The following ZNF14 variants were observed in gnomAD, a reference collection of about 807,000 sequenced individuals.
The protein encoded by ZNF14 is zinc finger protein 14.
A neutral mutation model predicts 11.3 loss-of-function variants in ZNF14; 9 were observed. The observed-to-expected ratio is 0.80, with a 90% CI of 0.48 to 1.39. The LOEUF is 1.39. Ranked by LOEUF, ZNF14 falls within the 40% of genes most tolerant of loss-of-function variation. The pLI, the probability that ZNF14 is intolerant of heterozygous loss-of-function variation, is 0.00. For synonymous variants in ZNF14, 239 were observed against 245.7 expected, an observed-to-expected ratio of 0.97 and a Z score of 0.25; for missense variants, 711 against 763.9, an observed-to-expected ratio of 0.93 and a Z score of 0.82.
rs1018990559 is a variant in ZNF14 at position 19,733,062 on chromosome 19, A to G, written c.-104T>C. 6.9e-7 allele frequency: 1 copy of G among 1,458,200 alleles called. No individual in the cohort carries two copies. Among genetic ancestry groups the G allele is most frequent in the African/African-American group, 1.4e-5 (1 of 71,176 alleles). The allele number at this position is 1,458,200 out of a possible 1,614,324, so 90.3% of individuals were successfully genotyped here. A position where few individuals can be genotyped will look rare whatever the true frequency, so the allele number is the denominator to read the frequency against. ...GCTAGAGCCACCTTCGGCCTTCAGG[A>G]GCAGGTGAAACGCAATCTTCCCATG... is the stretch of plus-strand genomic sequence containing the variant. On this transcript the variant is annotated 5_prime_UTR_variant, in exon 1 of 4. Transcript: ENST00000344099.
intron 1 of ZNF14, among the ~76,000 whole-genome samples, chr19:19,732,152 A>T (rs1196383819): frequency 6.6e-6 from 1 of 152,212 alleles, no homozygotes; most frequent in South Asian, 2.1e-4. Flanking sequence ...CATAGGCGAA[A>T]TCTCTTGGGT....
chr19:19,711,936 A>G lies in ZNF14; in HGVS notation c.1345T>C (p.Cys449Arg), dbSNP rs200818647. The G allele has an allele frequency of 6.2e-7, 1 of 1,614,084 alleles. No individual in the cohort carries two copies. ...RTHNAEKPYECKQCGKAFRCS... is the reference protein window; with the variant it reads ...RTHNAEKPYERKQCGKAFRCS... ...CTGAAGGCTTTCCCACACTGTTTAC[A>G]TTCATAGGGTTTCTCTGCATTGTGA... The change falls in exon 4 of 4, where the codon TGT becomes CGT. Residue 449 changes from cysteine to arginine, a missense_variant. Cys to Arg is a radical substitution (Grantham distance 180). Transcript: ENST00000344099.
At chr19:19,721,020 C>T (rs553796585) in intron 1 of ZNF14, among the ~76,000 whole-genome samples, 5 of 152,304 alleles carry the variant, frequency 3.3e-5, no homozygotes, top group East Asian at 1.9e-4. Flanking sequence ...CGCAGTGGCG[C>T]GATCTTGGCT....
At chr19:19,713,945 T>C (rs2062370087) in intron 3 of ZNF14, 146 bp downstream of exon 3, 1 of 722,360 alleles carries the variant, frequency 1.4e-6, no homozygotes, top group Admixed American at 2.8e-5. Flanking sequence ...ATTTTTCACA[T>C]CCTGAACATC....
chr19:19,726,105 G>T (rs191241627), intron 1 of ZNF14, among the ~76,000 whole-genome samples: 2 of 134,604 alleles, frequency 1.5e-5, no homozygotes, highest in South Asian at 4.8e-4. Flanking sequence ...AATTCTCTCC[G>T]TCCAGCTTTG....
chr19:19,716,919 T>C (rs1284067521), intron 1 of ZNF14, among the ~76,000 whole-genome samples: 1 of 152,216 alleles, frequency 6.6e-6, no homozygotes, highest in African/African-American at 2.4e-5. Context: ...CCAAAGCCTA[T>C]GTGACCTGGG....
chr19:19,714,888 T>G (rs184090371), intron 1 of ZNF14, among the ~76,000 whole-genome samples: 85 of 152,136 alleles, frequency 5.6e-4, no homozygotes, highest in African/African-American at 2.0e-3. Flanking sequence ...TTTTGTATTT[T>G]TAGTAGAGAC....
chr19:19,732,630 G>T (rs1387093938), intron 1 of ZNF14, among the ~76,000 whole-genome samples: 3 of 152,234 alleles, frequency 2.0e-5, no homozygotes, highest in Admixed American at 6.5e-5. Flanking sequence ...TTTCTTAAAC[G>T]CACAAACCCC....
chr19:19,718,760 G>T (rs1377030629), intron 1 of ZNF14, among the ~76,000 whole-genome samples: 1 of 152,040 alleles, frequency 6.6e-6, no homozygotes, highest in East Asian at 1.9e-4. Context: ...AAACATAAAA[G>T]AATTAAGTCA....
Position 19,714,411 on chromosome 19 carries a change from T to C in ZNF14, c.80A>G (p.Lys27Arg), listed in dbSNP as rs139981590. 13 of 1,613,946 alleles carry C rather than the reference T, an allele frequency of 8.1e-6. No individual in the cohort carries two copies. The highest frequency in any genetic ancestry group is 1.6e-4 in the Middle Eastern group (1 of 6,082). The change falls in exon 2 of 4, where the codon AAG becomes AGG. Residue 27 changes from lysine to arginine, a missense_variant. Coordinates refer to ENST00000344099, the MANE Select transcript of ZNF14 (RefSeq NM_021030.3). ...EWALLDSSQKKLYEDVMQETF... is the reference protein window; with the variant it reads ...EWALLDSSQKRLYEDVMQETF... The stretch of plus-strand genomic sequence containing the variant: ...CTCCTGCATCACATCTTCATAGAGC[T>C]TTTTCTGTGAAGAATCCAGCAAAGC...
At chr19:19,732,071 A>AC (rs2062425597) in intron 1 of ZNF14, among the ~76,000 whole-genome samples, 1 of 151,922 alleles carries the variant, frequency 6.6e-6, no homozygotes, top group East Asian at 1.9e-4. Flanking sequence ...GTCACACACA[A>AC]AAAAAAATGC....
In ZNF14 at chr19:19,718,656, A is replaced by T. The variant is rs188174755; in HGVS notation, c.4-4169T>A. ...AAGCAACATAAATACCCCCAAATCC[A>T]CACCTGGGTGTATCATATTCAAGGA... On this transcript the variant is annotated intron_variant, in intron 1 of 3. Coordinates refer to ENST00000344099, the MANE Select transcript of ZNF14 (RefSeq NM_021030.3). Among the ~76,000 whole-genome samples the T allele has an allele frequency of 2.8e-3, 423 of 152,314 alleles. 1 individual carries two copies. The highest frequency in any genetic ancestry group is 9.6e-3 in the African/African-American group (400 of 41,566).
At chr19:19,732,122 G>C (rs934300457) in intron 1 of ZNF14, among the ~76,000 whole-genome samples, 1 of 152,176 alleles carries the variant, frequency 6.6e-6, no homozygotes, top group African/African-American at 2.4e-5. Flanking sequence ...CAGAGATTTT[G>C]CATCATCATG....
In ZNF14 at chr19:19,711,869, C is replaced by A; in HGVS notation, c.1412G>T (p.Gly471Val). The A allele has an allele frequency of 6.2e-7, 1 of 1,614,046 alleles. No individual in the cohort carries two copies. Among genetic ancestry groups the A allele is most frequent in the Non-Finnish European group, 8.5e-7 (1 of 1,179,954 alleles). ...CTGTTTACATTCATAGGGTTTCTCT[C>A]CAGTGTGTGACCTTTCATGAATTCG... Reference protein sequence around the residue: ...YFRIHERSHTGEKPYECKQCG... With the variant: ...YFRIHERSHTVEKPYECKQCG... The change falls in exon 4 of 4, where the codon GGA (glycine) becomes GTA (valine). Residue 471 changes from glycine to valine, a missense_variant. Gly to Val is a moderately radical substitution (Grantham distance 109). Transcript: ENST00000344099.
chr19:19,711,679 C>T lies in ZNF14; in HGVS notation c.1602G>A (p.Lys534=), dbSNP rs758028171. 16 of 1,613,460 alleles carry T rather than the reference C, an allele frequency of 9.9e-6. No individual in the cohort carries two copies. The South Asian group carries it at 1.4e-4, about 14-fold the overall frequency. Reference sequence around the variant, plus strand: ...AACGAAGGAAGGCCTTACCACATTGCTTACACTCAAAAGGCTTATTTCCAG... The same window carrying T: ...AACGAAGGAAGGCCTTACCACATTGTTTACACTCAAAAGGCTTATTTCCAG... ...IHTGNKPFEC[K]QCGKAFLRSS... Residue 534 remains lysine, a synonymous_variant, in exon 4 of 4, where the codon AAG becomes AAA. Transcript: ENST00000344099.
chr19:19,717,265 C>T (rs1224611546), intron 1 of ZNF14, among the ~76,000 whole-genome samples: 1 of 152,110 alleles, frequency 6.6e-6, no homozygotes, highest in Non-Finnish European at 1.5e-5. Context: ...ATATACTTAG[C>T]ATCACCGGTT....
At chr19:19,713,695 T>C (rs7259055) in intron 3 of ZNF14, among the ~76,000 whole-genome samples, 76,140 of 149,618 alleles carry the variant, frequency 0.51, 19,970 homozygotes, top group Non-Finnish European at 0.58. Flanking sequence ...ATGATCTGCC[T>C]GCCTTGGCCT....
chr19:19,720,780 C>T lies in ZNF14; in HGVS notation c.4-6293G>A, dbSNP rs11878966. Among the ~76,000 whole-genome samples, 1,536 of 152,294 alleles carry T rather than the reference C, an allele frequency of 0.01. 24 individuals are homozygous for T. The highest frequency in any genetic ancestry group is 0.035 in the African/African-American group (1,441 of 41,548). On this transcript the variant is annotated intron_variant, in intron 1 of 3. Coordinates refer to ENST00000344099, the MANE Select transcript of ZNF14 (RefSeq NM_021030.3). The surrounding 1 kb of genome is among the most constrained non-coding windows in gnomAD (Gnocchi z 4.1). ...ATCAATGAGATACACAATGGAATTT[C>T]CACCTACCCTATAATCCCACAGCAG...
rs1262976544 is a variant in ZNF14 at position 19,725,577 on chromosome 19, G to A, written c.3+7379C>T. On this transcript the variant is annotated intron_variant, in intron 1 of 3. Coordinates refer to ENST00000344099, the MANE Select transcript of ZNF14 (RefSeq NM_021030.3). ...ATCTTGGAGTTGCTCTTCTCGAGGAGTATCTTTGTGGCATTCTCTGTATTT... is the reference window on the plus strand; with the variant it reads ...ATCTTGGAGTTGCTCTTCTCGAGGAATATCTTTGTGGCATTCTCTGTATTT... 2.2e-5 allele frequency among the ~76,000 whole-genome samples: 3 copies of A among 133,342 alleles called. 1 individual carries two copies. In the East Asian group the frequency reaches 6.3e-4, roughly 28 times the overall value. 87.5% of individuals were successfully genotyped at this position (133,342 alleles called of 152,430 possible). A position where few individuals can be genotyped will look rare whatever the true frequency, so the allele number is the denominator to read the frequency against.
Sources: gnomAD v4.1 joint callset for allele counts (sites outside exome capture counted in the v4.1 genomes callset) on GRCh38, gnomAD v4.1.1 for gene constraint, Gnocchi (gnomAD v3.1) non-coding constraint, MANE v1.5 for transcripts, NCBI Gene and HGNC (gene_info 2026-07-23, HGNC 2026-07-21) for gene names.